The following TTLL1 variants were observed in gnomAD, a reference collection of about 807,000 sequenced individuals.
The protein encoded by TTLL1 is polyglutamylase complex subunit TTLL1.
Under a neutral mutation model 47.8 loss-of-function variants are expected in TTLL1, and 33 were observed. The ratio of observed to expected loss-of-function variants is 0.69; its 90% confidence interval spans 0.52 to 0.92. The LOEUF (loss-of-function observed/expected upper bound fraction) is 0.92, where lower values mean the gene tolerates loss of function less well. Among genes scored for constraint, TTLL1 ranks in the 40% least tolerant of loss-of-function variants. TTLL1 has a pLI of 0.00. For missense variants in TTLL1, 488 were observed against 547.5 expected, an observed-to-expected ratio of 0.89 and a Z score of 1.08; for synonymous variants, 225 against 214.1, an observed-to-expected ratio of 1.05 and a Z score of -0.45.
In TTLL1 at chr22:43,085,352, A is replaced by G. The variant is rs149255857; in HGVS notation, c.-90+3925T>C. On this transcript the variant is annotated intron_variant, in intron 1 of 10. Coordinates refer to ENST00000266254, the MANE Select transcript of TTLL1 (RefSeq NM_012263.5). ...TTATGAATATTCTTCTCCACTGTGT[A>G]TATTATCGTCTCATGTGATGCCCAA... Among the ~76,000 whole-genome samples the G allele has an allele frequency of 2.0e-5, 3 of 152,282 alleles. No individual in the cohort carries two copies. The East Asian group carries it at 5.8e-4, about 29-fold the overall frequency.
chr22:43,075,349 G>A, intron 3 of TTLL1, 125 bp downstream of exon 3: 1 of 792,934 alleles, frequency 1.3e-6, no homozygotes, highest in Admixed American at 2.2e-5. Flanking sequence ...GGAAAAATGT[G>A]TGCGGGGAGA....
rs1167618669 is a variant in TTLL1, at chr22:43,088,324, C to CTTTT, written c.-90+949_-90+952dup. 2.4e-3 allele frequency among the ~76,000 whole-genome samples: 134 copies of CTTTT among 56,482 alleles called. 16 individuals are homozygous for CTTTT. Among genetic ancestry groups the CTTTT allele is most frequent in the Non-Finnish European group, 3.0e-3 (96 of 31,758 alleles). 37.1% of individuals were successfully genotyped at this position (56,482 alleles called of 152,430 possible). A position where few individuals can be genotyped will look rare whatever the true frequency, so the allele number is the denominator to read the frequency against. ...AATTTGAGGGCAGAGAAGGGCCCAT[C>CTTTT]TTTTTTTTTTTTTTTTTTTTTTTTT... is the stretch of plus-strand genomic sequence containing the variant. On this transcript the variant is annotated intron_variant, in intron 1 of 10. Transcript: ENST00000266254.
chr22:43,078,819 G>A lies in TTLL1; in HGVS notation c.-5+1083C>T, dbSNP rs141106147. Among the ~76,000 whole-genome samples, 360 of 151,898 alleles carry A rather than the reference G, an allele frequency of 2.4e-3. 3 individuals are homozygous for A. The highest frequency in any genetic ancestry group is 3.3e-3 in the Non-Finnish European group (221 of 67,900). ...AGATGACAATAAAAGCACAGGAGCC[G>A]CACCCCAGAGCGTGAGCCCATCCCA... On this transcript the variant is annotated intron_variant, in intron 2 of 10. Coordinates refer to ENST00000266254, the MANE Select transcript of TTLL1 (RefSeq NM_012263.5).
chr22:43,089,179 C>T (rs933519223), intron 1 of TTLL1, 98 bp downstream of exon 1: 1 of 152,280 alleles, frequency 6.6e-6, no homozygotes, highest in African/African-American at 2.4e-5. Flanking sequence ...CGCGTAGACA[C>T]TGGCGCCCAC....
intron 1 of TTLL1, among the ~76,000 whole-genome samples, chr22:43,088,324 C>CTT (rs1167618669): frequency 0.039 from 2,193 of 56,476 alleles, 492 homozygotes; most frequent in Non-Finnish European, 0.052. Context: ...AAGGGCCCAT[C>CTT]TTTTTTTTTT....
At chr22:43,049,777 A>G (rs1405002668) in intron 9 of TTLL1, among the ~76,000 whole-genome samples, 1 of 110,642 alleles carries the variant, frequency 9.0e-6, no homozygotes, top group African/African-American at 4.7e-5. Flanking sequence ...CAAGACAGAA[A>G]AAAAAAAAGA....
rs371337163 is a variant in TTLL1 at position 43,076,970 on chromosome 22, A to G, written c.-4-1380T>C. On this transcript the variant is annotated intron_variant, in intron 2 of 10. Coordinates refer to ENST00000266254, the MANE Select transcript of TTLL1 (RefSeq NM_012263.5). ...CAAAAAATTAGCCGGGTGCGGTGGC[A>G]GGCGCCTGTAGTCCCAGCTACTTGG... is the stretch of plus-strand genomic sequence containing the variant. Among the ~76,000 whole-genome samples the G allele has an allele frequency of 2.4e-3, 368 of 151,392 alleles. 2 individuals carry two copies. Among genetic ancestry groups the G allele is most frequent in the African/African-American group, 6.9e-3 (285 of 41,206 alleles).
intron 7 of TTLL1, among the ~76,000 whole-genome samples, chr22:43,061,390 G>T (rs1430579351): frequency 6.6e-6 from 1 of 152,196 alleles, no homozygotes; most frequent in East Asian, 1.9e-4. Flanking sequence ...CAGCTGTGGG[G>T]CCCAGAGGGC....
At chr22:43,050,928 G>A (rs762087618) in intron 9 of TTLL1, among the ~76,000 whole-genome samples, 11 of 152,196 alleles carry the variant, frequency 7.2e-5, no homozygotes, top group Non-Finnish European at 1.3e-4. Flanking sequence ...CCTGGAAAAT[G>A]CCACGATGGA....
At chr22:43,042,521 G>A (rs574189638) in intron 10 of TTLL1, among the ~76,000 whole-genome samples, 2 of 152,356 alleles carry the variant, frequency 1.3e-5, no homozygotes, top group South Asian at 4.1e-4. Flanking sequence ...TCCTGGAGGT[G>A]GCAGATGCAA....
At chr22:43,066,057 G>A (rs563848040) in intron 5 of TTLL1, among the ~76,000 whole-genome samples, 373 of 151,772 alleles carry the variant, frequency 2.5e-3, no homozygotes, top group Middle Eastern at 6.8e-3. Flanking sequence ...TACTCAGGAG[G>A]CTGAGGCAGG....
intron 10 of TTLL1, among the ~76,000 whole-genome samples, chr22:43,041,907 G>C (rs942499886): frequency 6.6e-6 from 1 of 152,156 alleles, no homozygotes; most frequent in Non-Finnish European, 1.5e-5. Flanking sequence ...ACAGGGGCCT[G>C]CTTCCTCTCT....
At chr22:43,046,371 A>C (rs925986977) in intron 10 of TTLL1, 39 bp downstream of exon 10, 3 of 1,607,046 alleles carry the variant, frequency 1.9e-6, no homozygotes, top group African/African-American at 1.3e-5. Context: ...GCCATTCGGA[A>C]ACACAGAAGG....
intron 10 of TTLL1, among the ~76,000 whole-genome samples, chr22:43,040,573 G>A (rs749459429): frequency 6.6e-6 from 1 of 152,120 alleles, no homozygotes; most frequent in African/African-American, 2.4e-5. Flanking sequence ...AGCCTTTCAG[G>A]TAGCTGGGAT....
At chr22:43,045,470 ATTT>A (rs57003421) in intron 10 of TTLL1, among the ~76,000 whole-genome samples, 1 of 107,978 alleles carries the variant, frequency 9.3e-6, no homozygotes, top group African/African-American at 3.7e-5. Flanking sequence ...TATTATACCC[ATTT>A]TTTTTTTTTT....
At chr22:43,042,044 C>T (rs1386266787) in intron 10 of TTLL1, among the ~76,000 whole-genome samples, 1 of 152,162 alleles carries the variant, frequency 6.6e-6, no homozygotes, top group Admixed American at 6.5e-5. Context: ...CGCCTCTCCA[C>T]AGGATCAGAT....
chr22:43,046,738 C>T lies in TTLL1; in HGVS notation c.979-165G>A, dbSNP rs764040439. ...AGGCTGGAGTGCAGTGGCGCAATCT[C>T]GGTTCACTGCAACCTCCGCCTCCCG... On this transcript the variant is annotated intron_variant, in intron 9 of 10. Transcript: ENST00000266254. Among the ~76,000 whole-genome samples, 6 of 152,098 alleles carry T rather than the reference C, an allele frequency of 3.9e-5. No homozygotes were observed. In the East Asian group the frequency reaches 7.7e-4, roughly 20 times the overall value.
chr22:43,069,574 G>A (rs973330426), intron 4 of TTLL1, 62 bp downstream of exon 4: 2 of 1,606,498 alleles, frequency 1.2e-6, no homozygotes, highest in South Asian at 1.1e-5. Flanking sequence ...TCAGCGCCTC[G>A]CGCCCCAAAG....
At chr22:43,052,196 T>C (rs893412497) in intron 8 of TTLL1, 32 of 390,516 alleles carry the variant, frequency 8.2e-5, no homozygotes, top group Non-Finnish European at 5.9e-5. Context: ...AGTGAACGGA[T>C]GTCCAGCTCC....
Sources: allele counts gnomAD v4.1 joint callset (sites outside exome capture counted in the v4.1 genomes callset), GRCh38; gene constraint gnomAD v4.1.1; transcripts MANE v1.5; gene names NCBI Gene and HGNC (gene_info 2026-07-23, HGNC 2026-07-21).